Variants in CDH18 observed in about 807,000 individuals in gnomAD.
CDH18 encodes the protein cadherin 18, also known as cadherin-18.
Under a neutral mutation model 67.9 loss-of-function variants are expected in CDH18, and 31 were observed. The ratio of observed to expected loss-of-function variants is 0.46; its 90% CI spans 0.34 to 0.62. The LOEUF (loss-of-function observed/expected upper bound fraction) is 0.62, where lower values mean the gene tolerates loss of function less well. Ranked by LOEUF, CDH18 falls within the 20% of genes least tolerant of loss-of-function variation. CDH18 has a pLI of 0.01. For missense variants in CDH18, 890 were observed against 975.5 expected (o/e 0.91, Z 1.17); for synonymous variants, 362 against 347.2 (o/e 1.04, Z -0.48).
At chr5:20,203,528 G>A (rs777836579) in intron 2 of CDH18, among the ~76,000 whole-genome samples, 8 of 151,146 alleles carry the variant, frequency 5.3e-5, no homozygotes, top group Non-Finnish European at 1.2e-4. Flanking sequence ...AGAAAATCTG[G>A]GCTTGAAGCA....
chr5:19,811,516 A>G (rs985262996), intron 3 of CDH18, among the ~76,000 whole-genome samples: 1 of 151,702 alleles, frequency 6.6e-6, no homozygotes, highest in Non-Finnish European at 1.5e-5. Flanking sequence ...TCAGACTTCC[A>G]GCTTCCCAAA....
intron 1 of CDH18, among the ~76,000 whole-genome samples, chr5:20,404,452 C>T: frequency 6.6e-6 from 1 of 152,056 alleles, no homozygotes; most frequent in Admixed American, 6.6e-5. Context: ...GGAATTCTTC[C>T]TTTCACTTGA....
chr5:20,456,766 A>G (rs1750864328), intron 1 of CDH18, among the ~76,000 whole-genome samples: 1 of 152,184 alleles, frequency 6.6e-6, no homozygotes, highest in Non-Finnish European at 1.5e-5. Flanking sequence ...ATATTTGCAG[A>G]TGGTGTCTCT....
intron 3 of CDH18, among the ~76,000 whole-genome samples, chr5:19,837,592 C>T (rs1391112148): frequency 6.6e-6 from 1 of 151,786 alleles, no homozygotes; most frequent in Non-Finnish European, 1.5e-5. Flanking sequence ...GAATATGATA[C>T]AATTGTTTTA....
chr5:20,110,194 T>C (rs917417107), intron 2 of CDH18, among the ~76,000 whole-genome samples: 2 of 152,256 alleles, frequency 1.3e-5, no homozygotes, highest in East Asian at 1.9e-4. Flanking sequence ...AATATGTGTC[T>C]ACCAAAGTAC....
At chr5:19,817,008 GAATT>G (rs1401985763) in intron 3 of CDH18, among the ~76,000 whole-genome samples, 1 of 151,514 alleles carries the variant, frequency 6.6e-6, no homozygotes, top group Admixed American at 6.6e-5. Flanking sequence ...ATTATGTAAA[GAATT>G]AATAGGGCTG....
intron 2 of CDH18, among the ~76,000 whole-genome samples, chr5:20,238,964 A>T (rs1036198218): frequency 6.6e-6 from 1 of 152,188 alleles, no homozygotes; most frequent in African/African-American, 2.4e-5. Context: ...CTCTTGATAG[A>T]TACATGCTAA....
At chr5:19,498,708 A>G (rs1204876647) in intron 11 of CDH18, among the ~76,000 whole-genome samples, 1 of 152,178 alleles carries the variant, frequency 6.6e-6, no homozygotes, top group Non-Finnish European at 1.5e-5. Flanking sequence ...TTTAATTTCC[A>G]CTTTCAATAC....
chr5:20,096,463 A>G (rs922644054), intron 2 of CDH18, among the ~76,000 whole-genome samples: 12 of 152,122 alleles, frequency 7.9e-5, no homozygotes, highest in African/African-American at 2.9e-4. Flanking sequence ...ATAATGAAGA[A>G]AAAAGGAAAG....
intron 2 of CDH18, among the ~76,000 whole-genome samples, chr5:20,242,008 C>T (rs1158516409): frequency 6.6e-6 from 1 of 150,872 alleles, no homozygotes; most frequent in Non-Finnish European, 1.5e-5. Flanking sequence ...AAAGCTACAA[C>T]ACGTGTCAAG....
chr5:19,685,231 C>G (rs1228631992), intron 5 of CDH18, among the ~76,000 whole-genome samples: 2 of 152,142 alleles, frequency 1.3e-5, no homozygotes, highest in Non-Finnish European at 2.9e-5. Flanking sequence ...AATCAGAAAC[C>G]TCAGTGACTT....
chr5:19,818,230 T>C (rs1561366990), intron 3 of CDH18, among the ~76,000 whole-genome samples: 1 of 152,144 alleles, frequency 6.6e-6, no homozygotes, highest in Non-Finnish European at 1.5e-5. Flanking sequence ...ACAATTGTAA[T>C]ACAGGAAGTA....
At chr5:19,953,253 AC>A (rs1795969683) in intron 2 of CDH18, among the ~76,000 whole-genome samples, 1 of 152,130 alleles carries the variant, frequency 6.6e-6, no homozygotes, top group South Asian at 2.1e-4. Flanking sequence ...GTTAAATACA[AC>A]AAAAATACAG....
chr5:19,747,671 A>G (rs964681233), intron 3 of CDH18, among the ~76,000 whole-genome samples: 1 of 152,084 alleles, frequency 6.6e-6, no homozygotes, highest in Non-Finnish European at 1.5e-5. Flanking sequence ...ATATGGTAGG[A>G]CAAATTGAGG....
chr5:19,871,121 G>C (rs770135881), intron 2 of CDH18, among the ~76,000 whole-genome samples: 2 of 152,038 alleles, frequency 1.3e-5, no homozygotes, highest in Non-Finnish European at 2.9e-5. Flanking sequence ...TCTAAAATTC[G>C]TGAGTGGAAG....
chr5:19,500,005 T>C (rs1256670929), intron 11 of CDH18, among the ~76,000 whole-genome samples: 1 of 152,064 alleles, frequency 6.6e-6, no homozygotes, highest in Non-Finnish European at 1.5e-5. Context: ...ATTTATTTCT[T>C]TATATTCTGG....
intron 12 of CDH18, among the ~76,000 whole-genome samples, chr5:19,477,490 A>G (rs1276703438): frequency 6.6e-6 from 1 of 152,078 alleles, no homozygotes; most frequent in Non-Finnish European, 1.5e-5. Context: ...AAATAATTTT[A>G]AGATATTTTT....
chr5:20,513,012 C>A (rs1411454572), intron 1 of CDH18, among the ~76,000 whole-genome samples: 2 of 152,110 alleles, frequency 1.3e-5, no homozygotes, highest in African/African-American at 4.8e-5. Flanking sequence ...AGCATGTGAG[C>A]CTCTCTGTTG....
intron 1 of CDH18, among the ~76,000 whole-genome samples, chr5:20,315,026 T>C (rs541059473): frequency 6.6e-6 from 1 of 152,206 alleles, no homozygotes; most frequent in South Asian, 2.1e-4. Context: ...AGATCAAGAA[T>C]AGAGTTTTAT....
Sources: gnomAD v4.1 joint callset for allele counts (sites outside exome capture counted in the v4.1 genomes callset) on GRCh38, gnomAD v4.1.1 for gene constraint, MANE v1.5 for transcripts, NCBI Gene and HGNC (gene_info 2026-07-23, HGNC 2026-07-21) for gene names.